Variants in HK3 observed in about 807,000 individuals in gnomAD.
HK3 encodes hexokinase-3.
Under a neutral mutation model 91.0 loss-of-function variants are expected in HK3, and 93 were observed. The observed-to-expected ratio is 1.02, with a 90% CI of 0.86 to 1.21. The LOEUF (loss-of-function observed/expected upper bound fraction) is 1.21, where lower values mean the gene tolerates loss of function less well. Among genes scored for constraint, HK3 ranks in the 50% most tolerant of loss-of-function variants. The probability of loss-of-function intolerance (pLI) is 0.00; values close to 1 mark genes in which losing one functional copy is unlikely to be tolerated. For missense variants in HK3, 1,235 were observed against 1,247.4 expected (o/e 0.99, Z 0.15); for synonymous variants, 519 against 516.9 (o/e 1.00, Z -0.06).
In HK3 at chr5:176,889,846, T is replaced by C. The variant is rs530821109; in HGVS notation, c.631-102A>G. 135 of 890,720 alleles carry C rather than the reference T, an allele frequency of 1.5e-4. No individual in the cohort carries two copies. In the African/African-American group the frequency reaches 1.7e-3, roughly 11 times the overall value. 55.2% of individuals were successfully genotyped at this position (890,720 alleles called of 1,614,324 possible). A position where few individuals can be genotyped will look rare whatever the true frequency, so the allele number is the denominator to read the frequency against. ...GGGCCCTGGCTTTGAAGGAGATACATAGAGTCCATGAAACACATGTCTGCA... is the reference window on the plus strand; with the variant it reads ...GGGCCCTGGCTTTGAAGGAGATACACAGAGTCCATGAAACACATGTCTGCA... On this transcript the variant is annotated intron_variant, in intron 6 of 18. Transcript: ENST00000292432.
chr5:176,881,129 CT>C lies in HK3; in HGVS notation c.2715del (p.Gly906ValfsTer15), dbSNP rs758076160. On this transcript the variant is annotated frameshift_variant, in exon 19 of 19. Transcript: ENST00000292432. LOFTEE classifies it high-confidence loss of function. ...GCAACAGCGGTGACCAGGGCCGCACCTTTGCCGGACCCATCCTCTGACTGCA... is the reference window on the plus strand; with the variant it reads ...GCAACAGCGGTGACCAGGGCCGCACCTTGCCGGACCCATCCTCTGACTGCA... Reference protein sequence around the residue: ...TFLQSEDGSGKGAALVTAVAC... With the variant: ...TFLQSEDGSGXGAALVTAVAC... 1 of 1,612,988 alleles carries C rather than the reference CT, an allele frequency of 6.2e-7. No individual in the cohort carries two copies. Among genetic ancestry groups the C allele is most frequent in the South Asian group, 1.1e-5 (1 of 91,084 alleles).
At chr5:176,888,232 G>T in intron 10 of HK3, 100 bp downstream of exon 10, 2 of 995,230 alleles carry the variant, frequency 2.0e-6, no homozygotes, top group Non-Finnish European at 3.0e-6. Flanking sequence ...TGCCCTTCGT[G>T]TCCACTGGCT....
In HK3 at chr5:176,888,427, C is replaced by G; in HGVS notation, c.1209G>C (p.Leu403=). The G allele has an allele frequency of 6.4e-7, 1 of 1,560,534 alleles. No individual in the cohort carries two copies. Among genetic ancestry groups the G allele is most frequent in the Non-Finnish European group, 8.7e-7 (1 of 1,151,710 alleles). ...TRAAQLCAAA[L]AAVLSCLQHS... The stretch of plus-strand genomic sequence containing the variant: ...GCTGGAGGCAGGAGAGAACAGCGGC[C>G]AGGGCGGCAGCACAGAGCTGGGCAG... Residue 403 remains leucine (L), a synonymous_variant, in exon 10 of 19, where the codon CTG becomes CTC. Coordinates refer to ENST00000292432, the MANE Select transcript of HK3 (RefSeq NM_002115.3).
chr5:176,885,372 G>A (rs545628230), intron 13 of HK3, among the ~76,000 whole-genome samples: 1 of 152,312 alleles, frequency 6.6e-6, no homozygotes, highest in East Asian at 1.9e-4. Context: ...GGGCTCCTGG[G>A]GAAGGCAATC....
chr5:176,895,995 G>T (rs1758901851), intron 2 of HK3, 69 bp downstream of exon 2: 9 of 1,307,420 alleles, frequency 6.9e-6, no homozygotes, highest in Non-Finnish European at 6.7e-6. Flanking sequence ...GGGCCCCATG[G>T]CAGCTTCAGT....
chr5:176,883,291 T>C (rs867635068), intron 15 of HK3, among the ~76,000 whole-genome samples: 10 of 152,176 alleles, frequency 6.6e-5, no homozygotes, highest in Admixed American at 3.9e-4. Flanking sequence ...CCCTCATTGC[T>C]CATTGGTCCC....
rs756135058 is a variant in HK3 at position 176,881,860 on chromosome 5, G to A, written c.2238-13C>T. 1.9e-6 allele frequency: 3 copies of A among 1,607,334 alleles called. No individual in the cohort carries two copies. The highest frequency in any genetic ancestry group is 2.5e-6 in the Non-Finnish European group (3 of 1,177,306). ...CATCTTTTCAAACCTGCATGAACAT[G>A]TGTGCACTCGGCAGAAGGCCCCACC... On this transcript the variant is annotated splice_polypyrimidine_tract_variant and intron_variant, in intron 16 of 18. Coordinates refer to ENST00000292432, the MANE Select transcript of HK3 (RefSeq NM_002115.3).
At chr5:176,893,573 T>C (rs1170894991) in intron 2 of HK3, among the ~76,000 whole-genome samples, 1 of 152,154 alleles carries the variant, frequency 6.6e-6, no homozygotes, top group Non-Finnish European at 1.5e-5. Context: ...ATTGGATGGT[T>C]GTGGTGGCAT....
chr5:176,887,490 T>C lies in HK3; in HGVS notation c.1561A>G (p.Met521Val), dbSNP rs1758627263. 6.2e-7 allele frequency: 1 copy of C among 1,613,462 alleles called. No individual in the cohort carries two copies. The change falls in exon 11 of 19, where the codon ATG becomes GTG. Residue 521 changes from methionine to valine, a missense_variant. Transcript: ENST00000292432. This position sits in a 1 kb window ranked among gnomAD's most constrained non-coding sequence, Gnocchi z 4.9. ...GLRGEASSLR[M>V]LPTFVRATPD... is the part of the protein sequence containing the mutation. Reference sequence around the variant, plus strand: ...GTGGCCCGGACGAAAGTGGGCAGCATGCGAAGGGAGGAGGCCTCCCCTCGG... The same window carrying C: ...GTGGCCCGGACGAAAGTGGGCAGCACGCGAAGGGAGGAGGCCTCCCCTCGG...
chr5:176,885,905 A>G (rs1343124681), intron 13 of HK3, among the ~76,000 whole-genome samples: 1 of 151,952 alleles, frequency 6.6e-6, no homozygotes, highest in Non-Finnish European at 1.5e-5. Flanking sequence ...CCACTGCACC[A>G]TCCAAAGGAC....
Position 176,887,868 on chromosome 5 carries a change from A to G in HK3, c.1305-122T>C. ...GTGCCCAGCTTGGCCCCAGACCCCT[A>G]GGGCCTCCTGAAGCCCAAGGCCCCA... On this transcript the variant is annotated intron_variant, in intron 10 of 18. Transcript: ENST00000292432. The surrounding 1 kb of genome is among the most constrained non-coding windows in gnomAD (Gnocchi z 4.9). 7.1e-6 allele frequency: 7 copies of G among 983,326 alleles called. No individual in the cohort carries two copies. The highest frequency in any genetic ancestry group is 1.7e-5 in the African/African-American group (1 of 60,300). 60.9% of individuals were successfully genotyped at this position (983,326 alleles called of 1,614,324 possible). A position where few individuals can be genotyped will look rare whatever the true frequency, so the allele number is the denominator to read the frequency against.
Position 176,881,483 on chromosome 5 carries a change from G to A in HK3, c.2446C>T (p.Pro816Ser), listed in dbSNP as rs1474676182. The change falls in exon 18 of 19, where the codon CCC (proline) becomes TCC (serine). Residue 816 changes from proline (P) to serine (S), a missense_variant. This residue lies in a region of HK3 where 513 missense variants were observed against 477.4 expected (regional missense o/e 1.07). Transcript: ENST00000292432. ...ATCAGGGCGTCATCTGAGGTCAGGGGTAGCCCCAGATCCTCTAGGATGGCT... is the reference window on the plus strand; with the variant it reads ...ATCAGGGCGTCATCTGAGGTCAGGGATAGCCCCAGATCCTCTAGGATGGCT... The part of the protein sequence containing the change: ...VRAILEDLGL[P>S]LTSDDALMVL... 1 of 1,607,730 alleles carries A rather than the reference G, an allele frequency of 6.2e-7. No individual in the cohort carries two copies. The highest frequency in any genetic ancestry group is 1.7e-5 in the Admixed American group (1 of 60,008).
rs762214632 is a variant in HK3, at chr5:176,889,537, T to A, written c.758A>T (p.Glu253Val). 1 of 1,614,160 alleles carries A rather than the reference T, an allele frequency of 6.2e-7. No homozygotes were observed. Among genetic ancestry groups the A allele is most frequent in the South Asian group, 1.1e-5 (1 of 91,072 alleles). ...CAGCACTGCCACATGCCGTGCCTCC[T>A]CCATGTAACACGCGTTGGTGCCCGT... Reference protein sequence around the residue: ...VDTGTNACYMEEARHVAVLDE... With the variant: ...VDTGTNACYMVEARHVAVLDE... Residue 253 changes from glutamate (E) to valine (V), a missense_variant, in exon 8 of 19, where the codon GAG becomes GTG. By Grantham distance (121) the Glu-to-Val change is moderately radical (BLOSUM62 -2). Transcript: ENST00000292432.
chr5:176,888,160 G>A (rs763318679), intron 10 of HK3, among the ~76,000 whole-genome samples, 172 bp downstream of exon 10: 9 of 152,144 alleles, frequency 5.9e-5, no homozygotes, highest in African/African-American at 1.9e-4. Flanking sequence ...GGGAAGCATC[G>A]TTTCTCTCCT....
At chr5:176,886,852 C>T in intron 13 of HK3, 150 bp downstream of exon 13, 1 of 886,592 alleles carries the variant, frequency 1.1e-6, no homozygotes, top group Non-Finnish European at 1.7e-6. Context: ...GAAACTGAGG[C>T]TGTGTGCAAG....
Position 176,891,438 on chromosome 5 carries a change from G to C in HK3, c.209C>G (p.Pro70Arg). ...QALRGQASPA[P>R]AVRMLPTYVG... ...GTATGTAGGCAGCATCCGGACCGCA[G>C]GGGCAGGGCTGGCCTGTCCCCTCAG... Residue 70 changes from proline to arginine, a missense_variant, in exon 3 of 19, where the codon CCT (proline) becomes CGT (arginine). Pro to Arg is a moderately radical substitution (Grantham distance 103, BLOSUM62 -2). Transcript: ENST00000292432. 1.9e-6 allele frequency: 3 copies of C among 1,614,074 alleles called. No homozygotes were observed. Among genetic ancestry groups the C allele is most frequent in the Non-Finnish European group, 2.5e-6 (3 of 1,179,988 alleles).
rs961759684 is a variant in HK3, at chr5:176,884,576, C to T, written c.1858-442G>A. Among the ~76,000 whole-genome samples the T allele has an allele frequency of 1.3e-5, 2 of 152,204 alleles. No homozygotes were observed. Among genetic ancestry groups the T allele is most frequent in the Non-Finnish European group, 2.9e-5 (2 of 68,032 alleles). ...AAGTTACTCTAGAGGAAGGAATTCTCAGCTTCAGGGATAGAGCCGTGTCAA... is the reference window on the plus strand; with the variant it reads ...AAGTTACTCTAGAGGAAGGAATTCTTAGCTTCAGGGATAGAGCCGTGTCAA... On this transcript the variant is annotated intron_variant, in intron 13 of 18. Coordinates refer to ENST00000292432, the MANE Select transcript of HK3 (RefSeq NM_002115.3). The surrounding 1 kb of genome is among the most constrained non-coding windows in gnomAD (Gnocchi z 4.1).
chr5:176,892,494 A>T (rs1273341475), intron 2 of HK3, among the ~76,000 whole-genome samples: 1 of 152,104 alleles, frequency 6.6e-6, no homozygotes, highest in African/African-American at 2.4e-5. Context: ...CCAGAAGCCC[A>T]GTAGCTTAAG....
chr5:176,897,544 G>A (rs909857485), intron 1 of HK3, among the ~76,000 whole-genome samples: 1 of 152,062 alleles, frequency 6.6e-6, no homozygotes, highest in African/African-American at 2.4e-5. Context: ...CGTGGTCACT[G>A]GTGACCTCCT....
Sources: allele counts gnomAD v4.1 joint callset (sites outside exome capture counted in the v4.1 genomes callset), GRCh38; gene constraint gnomAD v4.1.1; regional missense constraint gnomAD v4.1.1; non-coding constraint Gnocchi (gnomAD v3.1); transcripts MANE v1.5; gene names NCBI Gene and HGNC (gene_info 2026-07-23, HGNC 2026-07-21).